The following ZIC2 variants were observed in gnomAD, a reference collection of about 807,000 sequenced individuals.
ZIC2 encodes zinc finger protein ZIC 2.
In ZIC2, 7 loss-of-function variants were observed where a neutral mutation model predicts 29.5. The observed-to-expected ratio is 0.24, with a 90% confidence interval of 0.14 to 0.45. The LOEUF (loss-of-function observed/expected upper bound fraction) is 0.45, where lower values mean the gene tolerates loss of function less well. Among genes scored for constraint, ZIC2 ranks in the 20% least tolerant of loss-of-function variants. The pLI is 1.00. For missense variants in ZIC2, 589 were observed against 781.2 expected, an observed-to-expected ratio of 0.75 and a Z score of 2.93; for synonymous variants, 408 against 354.2, an observed-to-expected ratio of 1.15 and a Z score of -1.70.
chr13:99,986,625 TTTC>T lies in ZIC2; in HGVS notation c.*946_*948del, dbSNP rs1265458546. The T allele has an allele frequency of 6.5e-6, 1 of 152,924 alleles. No individual in the cohort carries two copies. The highest frequency in any genetic ancestry group is 1.9e-4 in the East Asian group (1 of 5,202). The allele number at this position is 152,924 out of a possible 1,614,324, so 9.5% of individuals were successfully genotyped here. On this transcript the variant is annotated 3_prime_UTR_variant, in exon 3 of 3. Transcript: ENST00000376335. ...GAGGAAACAATATTTATAAAGAATGTTTCTTAACTATAAATATGTACAATTGTG... is the reference window on the plus strand; with the variant it reads ...GAGGAAACAATATTTATAAAGAATGTTTAACTATAAATATGTACAATTGTG...
At chr13:99,984,603 A>C in intron 1 of ZIC2, 2 of 365,858 alleles carry the variant, frequency 5.5e-6, no homozygotes, top group South Asian at 4.6e-5. Flanking sequence ...TTTTGTCATA[A>C]TAACAGCTTC....
At position 99,986,252 on chromosome 13, in the gene ZIC2, T is replaced by C; in HGVS notation, c.*570T>C. 3.3e-6 allele frequency: 1 copy of C among 306,436 alleles called. No homozygotes were observed. Among genetic ancestry groups the C allele is most frequent in the Admixed American group, 4.7e-5 (1 of 21,134 alleles). The allele number at this position is 306,436 out of a possible 1,614,324, so 19.0% of individuals were successfully genotyped here. A position where few individuals can be genotyped will look rare whatever the true frequency, so the allele number is the denominator to read the frequency against. ...TATTTTGTATTGTGGTATTGAATAT[T>C]GTGTTCCTTTTTATGAGGCAACCTG... On this transcript the variant is annotated 3_prime_UTR_variant, in exon 3 of 3. Coordinates refer to ENST00000376335, the MANE Select transcript of ZIC2 (RefSeq NM_007129.5).
chr13:99,982,515 T>G lies in ZIC2; in HGVS notation c.451T>G (p.Ser151Ala), dbSNP rs1486907200. ...CGCGGGCGGCCTGCACCACGCGCAC[T>G]CGGACGCGCAGGGCCACCTCCTCTT... ...PGAGGLHHAH[S>A]DAQGHLLFPG... The change falls in exon 1 of 3, where the codon TCG becomes GCG. Residue 151 changes from serine (S) to alanine (A), a missense_variant. By Grantham distance (99) the Ser-to-Ala change is moderately conservative. This residue lies in a region of ZIC2 where 358 missense variants were observed against 382.0 expected (regional missense o/e 0.94). Coordinates refer to ENST00000376335, the MANE Select transcript of ZIC2 (RefSeq NM_007129.5). 1 of 1,515,244 alleles carries G rather than the reference T, an allele frequency of 6.6e-7. No individual in the cohort carries two copies. Among genetic ancestry groups the G allele is most frequent in the Admixed American group, 2.1e-5 (1 of 47,994 alleles). 93.9% of individuals were successfully genotyped at this position (1,515,244 alleles called of 1,614,324 possible). A position where few individuals can be genotyped will look rare whatever the true frequency, so the allele number is the denominator to read the frequency against.
chr13:99,984,935 G>GC lies in ZIC2; in HGVS notation c.1076-9dup. The GC allele has an allele frequency of 1.2e-6, 2 of 1,614,018 alleles. No homozygotes were observed. Among genetic ancestry groups the GC allele is most frequent in the South Asian group, 2.2e-5 (2 of 91,084 alleles). On this transcript the variant is annotated splice_polypyrimidine_tract_variant and intron_variant, in intron 1 of 2. Coordinates refer to ENST00000376335, the MANE Select transcript of ZIC2 (RefSeq NM_007129.5). ...GTGTCTGCAGCCAGCGCCGATGTTTGCCGTCCACAGGGGAGAAGCCGTTCC... is the reference window on the plus strand; with the variant it reads ...GTGTCTGCAGCCAGCGCCGATGTTTGCCCGTCCACAGGGGAGAAGCCGTTCC...
chr13:99,981,865 G>A lies in ZIC2; in HGVS notation c.-200G>A. On this transcript the variant is annotated 5_prime_UTR_variant, in exon 1 of 3. Transcript: ENST00000376335. ...CTCTTCCTCTCCGCGCCTTCGCTAC[G>A]CGCCCGGCCGCCCGAGGCAGATCCA... 2 of 1,126,366 alleles carry A rather than the reference G, an allele frequency of 1.8e-6. No homozygotes were observed. The highest frequency in any genetic ancestry group is 2.4e-6 in the Non-Finnish European group (2 of 847,172). The allele number at this position is 1,126,366 out of a possible 1,614,324, so 69.8% of individuals were successfully genotyped here.
rs1174752368 is a variant in ZIC2 at position 99,985,696 on chromosome 13, C to T, written c.*14C>T. ...TGGTACGTGTGACGGGTCGGGGCCT[C>T]TCTCCCTCTCCCTGTCCCCACCCCA... On this transcript the variant is annotated 3_prime_UTR_variant, in exon 3 of 3. Transcript: ENST00000376335. The surrounding 1 kb of genome is among the most constrained non-coding windows in gnomAD (Gnocchi z 6.3). 5 of 1,322,580 alleles carry T rather than the reference C, an allele frequency of 3.8e-6. No homozygotes were observed. Among genetic ancestry groups the T allele is most frequent in the African/African-American group, 1.5e-5 (1 of 64,640 alleles). The allele number at this position is 1,322,580 out of a possible 1,614,324, so 81.9% of individuals were successfully genotyped here.
chr13:99,985,448 AGCGGCGGCGGCAGCGGCGGCGGCGGCT>A lies in ZIC2; in HGVS notation c.1377_1403del (p.Ala462_Ala470del), dbSNP rs771134345. ...CCCAGAGCAGCTCCAACCTGTCCCC[AGCGGCGGCGGCAGCGGCGGCGGCGGCT>A]GCGGCGGCGGCGGCCGCGGTGTCCG... On this transcript the variant is annotated inframe_deletion, in exon 3 of 3. Coordinates refer to ENST00000376335, the MANE Select transcript of ZIC2 (RefSeq NM_007129.5). This position sits in a 1 kb window ranked among gnomAD's most constrained non-coding sequence, Gnocchi z 6.3. 4.9e-6 allele frequency: 7 copies of A among 1,417,626 alleles called. No individual in the cohort carries two copies. The highest frequency in any genetic ancestry group is 2.7e-5 in the East Asian group (1 of 36,374). 87.8% of individuals were successfully genotyped at this position (1,417,626 alleles called of 1,614,324 possible). A position where few individuals can be genotyped will look rare whatever the true frequency, so the allele number is the denominator to read the frequency against.
chr13:99,984,859 C>T (rs1030215955), intron 1 of ZIC2, 87 bp from the exon 2 acceptor site: 1 of 1,577,318 alleles, frequency 6.3e-7, no homozygotes, highest in East Asian at 2.3e-5. Flanking sequence ...CCTTCTCCCT[C>T]GCCGCGGCCC....
In ZIC2 at chr13:99,983,682, C is replaced by T. The variant is rs1277293762; in HGVS notation, c.1075+543C>T. On this transcript the variant is annotated intron_variant, in intron 1 of 2. Transcript: ENST00000376335. This position sits in a 1 kb window ranked among gnomAD's most constrained non-coding sequence, Gnocchi z 4.7. ...TCATTTTTAAAGTGTTTTTAAAGCCCGTCTCGGGGTGGGTCGCGGGGGCTT... is the reference window on the plus strand; with the variant it reads ...TCATTTTTAAAGTGTTTTTAAAGCCTGTCTCGGGGTGGGTCGCGGGGGCTT... Among the ~76,000 whole-genome samples, 2 of 152,060 alleles carry T rather than the reference C, an allele frequency of 1.3e-5. No individual in the cohort carries two copies. The highest frequency in any genetic ancestry group is 2.9e-5 in the Non-Finnish European group (2 of 68,028).
Position 99,985,207 on chromosome 13 carries a change from G to C in ZIC2, c.1239+98G>C. The C allele has an allele frequency of 6.2e-7, 1 of 1,604,182 alleles. No homozygotes were observed. Among genetic ancestry groups the C allele is most frequent in the Admixed American group, 1.7e-5 (1 of 59,002 alleles). On this transcript the variant is annotated intron_variant, in intron 2 of 2. Transcript: ENST00000376335. This position sits in a 1 kb window ranked among gnomAD's most constrained non-coding sequence, Gnocchi z 6.3. ...AGCCGGCCTGGGAGGGTCCCCAGGG[G>C]CCAGGGCGGCGGGGGGAACATTTCT...
rs1458217327 is a variant in ZIC2 at position 99,986,617 on chromosome 13, A to G, written c.*935A>G. The G allele has an allele frequency of 6.5e-6, 1 of 152,948 alleles. No homozygotes were observed. Among genetic ancestry groups the G allele is most frequent in the Non-Finnish European group, 1.5e-5 (1 of 68,228 alleles). The allele number at this position is 152,948 out of a possible 1,614,324, so 9.5% of individuals were successfully genotyped here. A position where few individuals can be genotyped will look rare whatever the true frequency, so the allele number is the denominator to read the frequency against. On this transcript the variant is annotated 3_prime_UTR_variant, in exon 3 of 3. Coordinates refer to ENST00000376335, the MANE Select transcript of ZIC2 (RefSeq NM_007129.5). ...TTGCTACAGAGGAAACAATATTTAT[A>G]AAGAATGTTTCTTAACTATAAATAT...
At position 99,981,838 on chromosome 13, in the gene ZIC2, T is replaced by G; in HGVS notation, c.-227T>G. 3 of 854,136 alleles carry G rather than the reference T, an allele frequency of 3.5e-6. No individual in the cohort carries two copies. The highest frequency in any genetic ancestry group is 5.0e-6 in the Non-Finnish European group (3 of 600,582). 52.9% of individuals were successfully genotyped at this position (854,136 alleles called of 1,614,324 possible). On this transcript the variant is annotated 5_prime_UTR_variant, in exon 1 of 3. Coordinates refer to ENST00000376335, the MANE Select transcript of ZIC2 (RefSeq NM_007129.5). The stretch of plus-strand genomic sequence containing the variant: ...CTCCTCCCGCGCCGCCGCCTCCTCC[T>G]CCTCTTCCTCTCCGCGCCTTCGCTA...
chr13:99,983,366 A>G lies in ZIC2; in HGVS notation c.1075+227A>G, dbSNP rs1305830651. Among the ~76,000 whole-genome samples the G allele has an allele frequency of 7.2e-5, 11 of 152,240 alleles. No individual in the cohort carries two copies. The highest frequency in any genetic ancestry group is 7.2e-4 in the Admixed American group (11 of 15,288). ...AATCGAGTTTTGAATGATTAGCCTC[A>G]CATCAAATGTATGCTTGGGTCATGC... On this transcript the variant is annotated intron_variant, in intron 1 of 2. Coordinates refer to ENST00000376335, the MANE Select transcript of ZIC2 (RefSeq NM_007129.5). This position sits in a 1 kb window ranked among gnomAD's most constrained non-coding sequence, Gnocchi z 4.7.
Position 99,982,523 on chromosome 13 carries a change from G to A in ZIC2, c.459G>A (p.Ala153=), listed in dbSNP as rs771629736. 1.3e-6 allele frequency: 2 copies of A among 1,524,926 alleles called. No homozygotes were observed. Among genetic ancestry groups the A allele is most frequent in the East Asian group, 2.5e-5 (1 of 40,690 alleles). 94.5% of individuals were successfully genotyped at this position (1,524,926 alleles called of 1,614,324 possible). The change falls in exon 1 of 3, where the codon GCG becomes GCA. Residue 153 remains alanine (A), a synonymous_variant. Coordinates refer to ENST00000376335, the MANE Select transcript of ZIC2 (RefSeq NM_007129.5). The part of the protein sequence containing the change: ...AGGLHHAHSD[A]QGHLLFPGLP... Reference sequence around the variant, plus strand: ...GCCTGCACCACGCGCACTCGGACGCGCAGGGCCACCTCCTCTTCCCGGGCC... The same window carrying A: ...GCCTGCACCACGCGCACTCGGACGCACAGGGCCACCTCCTCTTCCCGGGCC...
In ZIC2 at chr13:99,982,436, C is replaced by T. The variant is rs1368268141; in HGVS notation, c.372C>T (p.Arg124=). ...CCCGGGACTTCCTGTTCCGCAGCCG[C>T]GGCTTCGGGGACTCGGCGCCGGGCG... ...NSTRDFLFRS[R]GFGDSAPGGG... The change falls in exon 1 of 3, where the codon CGC becomes CGT. Residue 124 remains arginine, a synonymous_variant. Coordinates refer to ENST00000376335, the MANE Select transcript of ZIC2 (RefSeq NM_007129.5). The T allele has an allele frequency of 1.4e-6, 2 of 1,449,334 alleles. No individual in the cohort carries two copies. Among genetic ancestry groups the T allele is most frequent in the South Asian group, 2.9e-5 (2 of 69,110 alleles). The allele number at this position is 1,449,334 out of a possible 1,614,324, so 89.8% of individuals were successfully genotyped here. A position where few individuals can be genotyped will look rare whatever the true frequency, so the allele number is the denominator to read the frequency against.
intron 1 of ZIC2, 26 bp from the exon 2 acceptor site, chr13:99,984,920 C>T (rs2152163527): frequency 2.5e-6 from 4 of 1,613,862 alleles, no homozygotes; most frequent in Non-Finnish European, 3.4e-6. Context: ...GTGTCTGCAG[C>T]CAGCGCCGAT....
chr13:99,983,184 G>A lies in ZIC2; in HGVS notation c.1075+45G>A. 2 of 1,603,842 alleles carry A rather than the reference G, an allele frequency of 1.2e-6. No homozygotes were observed. The highest frequency in any genetic ancestry group is 8.5e-7 in the Non-Finnish European group (1 of 1,175,594). ...GGGACCAGGCGCGGAGGGGAGACAC[G>A]CACAGGCTGAGACTCAGGCTGTGGG... On this transcript the variant is annotated intron_variant, in intron 1 of 2. Transcript: ENST00000376335. This position sits in a 1 kb window ranked among gnomAD's most constrained non-coding sequence, Gnocchi z 4.7.
chr13:99,984,874 C>T (rs1162096142), intron 1 of ZIC2, 72 bp from the exon 2 acceptor site: 6 of 1,607,578 alleles, frequency 3.7e-6, no homozygotes, highest in Non-Finnish European at 8.5e-7. Context: ...CGGCCCAGCC[C>T]CCTCGCAGCC....
rs1295424519 is a variant in ZIC2, at chr13:99,985,746, G to A, written c.*64G>A. Reference sequence around the variant, plus strand: ...AGCGCAGCAGCCCTCCCCGCAGCTAGCAGCGAGGGCACCTTGTGATCATGT... The same window carrying A: ...AGCGCAGCAGCCCTCCCCGCAGCTAACAGCGAGGGCACCTTGTGATCATGT... On this transcript the variant is annotated 3_prime_UTR_variant, in exon 3 of 3. Coordinates refer to ENST00000376335, the MANE Select transcript of ZIC2 (RefSeq NM_007129.5). The surrounding 1 kb of genome is among the most constrained non-coding windows in gnomAD (Gnocchi z 6.3). 2.1e-6 allele frequency: 2 copies of A among 951,482 alleles called. No homozygotes were observed. The highest frequency in any genetic ancestry group is 1.8e-5 in the African/African-American group (1 of 56,334). The allele number at this position is 951,482 out of a possible 1,614,324, so 58.9% of individuals were successfully genotyped here.
Sources: gnomAD v4.1 joint callset for allele counts (sites outside exome capture counted in the v4.1 genomes callset) on GRCh38, gnomAD v4.1.1 for gene constraint, gnomAD v4.1.1 regional missense constraint, Gnocchi (gnomAD v3.1) non-coding constraint, MANE v1.5 for transcripts, NCBI Gene and HGNC (gene_info 2026-07-23, HGNC 2026-07-21) for gene names.